The following FANCM variants were observed in gnomAD, a reference collection of about 807,000 sequenced individuals.
The protein encoded by FANCM is FA complementation group M, also known as Fanconi anemia group M protein.
FANCM carries 140 observed loss-of-function variants against 199.5 expected under a neutral mutation model. The observed-to-expected ratio is 0.70, with a 90% confidence interval of 0.61 to 0.81. FANCM has a LOEUF of 0.81. Ranked by LOEUF, FANCM falls within the 30% of genes least tolerant of loss-of-function variation. FANCM has a pLI of 0.00. For missense variants in FANCM, 2,410 were observed against 2,421.4 expected (o/e 1.00, Z 0.10); for synonymous variants, 840 against 836.8 (o/e 1.00, Z -0.07).
intron 4 of FANCM, 84 bp downstream of exon 4, chr14:45,149,079 A>T: frequency 1.8e-6 from 2 of 1,093,454 alleles, no homozygotes; most frequent in Non-Finnish European, 2.7e-6. Flanking sequence ...GGATGTGATA[A>T]TATAGTTATC....
At chr14:45,191,901 C>T (rs983088171) in intron 20 of FANCM, among the ~76,000 whole-genome samples, 2 of 152,078 alleles carry the variant, frequency 1.3e-5, no homozygotes, top group Non-Finnish European at 2.9e-5. Context: ...CTTCTTTATG[C>T]AGCCTAGACT....
chr14:45,193,392 C>G (rs1465363117), intron 20 of FANCM, among the ~76,000 whole-genome samples: 1 of 152,150 alleles, frequency 6.6e-6, no homozygotes, highest in Non-Finnish European at 1.5e-5. Flanking sequence ...GTGCTCCCTC[C>G]CACCAGGCTA....
At position 45,136,368 on chromosome 14, in the gene FANCM, AC is replaced by A; in HGVS notation, c.339del (p.Gly114AspfsTer34). The A allele has an allele frequency of 6.2e-7, 1 of 1,614,156 alleles. No individual in the cohort carries two copies. The highest frequency in any genetic ancestry group is 8.5e-7 in the Non-Finnish European group (1 of 1,180,030). The part of the protein sequence containing the change: ...LFCNTLVCLP[T>X]GLGKTFIAAV... ...TTGCAATACGCTGGTGTGTCTGCCT[AC>A]CGGACTGGGAAAGACCTTTATTGCC... On this transcript the variant is annotated frameshift_variant, in exon 1 of 23. Transcript: ENST00000267430. LOFTEE classifies it high-confidence loss of function.
intron 20 of FANCM, among the ~76,000 whole-genome samples, chr14:45,190,265 T>C (rs1207136844): frequency 6.6e-6 from 1 of 152,194 alleles, no homozygotes; most frequent in Non-Finnish European, 1.5e-5. Context: ...AGGAACTATA[T>C]ATATTGATTC....
intron 22 of FANCM, among the ~76,000 whole-genome samples, chr14:45,199,159 G>A (rs944837603): frequency 1.3e-5 from 2 of 152,120 alleles, no homozygotes; most frequent in Non-Finnish European, 2.9e-5. Context: ...TTTCCTTTGA[G>A]AAGCTTAGAG....
At chr14:45,168,815 T>C (rs964993441) in intron 11 of FANCM, among the ~76,000 whole-genome samples, 1 of 148,168 alleles carries the variant, frequency 6.7e-6, no homozygotes, top group African/African-American at 2.5e-5. Flanking sequence ...GTATATATTA[T>C]ATACTATATA....
At chr14:45,150,501 A>G (rs781679977) in intron 4 of FANCM, among the ~76,000 whole-genome samples, 3 of 152,214 alleles carry the variant, frequency 2.0e-5, no homozygotes, top group Non-Finnish European at 4.4e-5. Flanking sequence ...AAACACTTAC[A>G]TACTGCGGTA....
At position 45,136,330 on chromosome 14, in the gene FANCM, G is replaced by A; in HGVS notation, c.299G>A (p.Arg100Gln). 1 of 1,614,136 alleles carries A rather than the reference G, an allele frequency of 6.2e-7. No homozygotes were observed. The highest frequency in any genetic ancestry group is 1.3e-5 in the African/African-American group (1 of 75,020). The change falls in exon 1 of 23, where the codon CGG (arginine) becomes CAG (glutamine). Residue 100 changes from arginine to glutamine, a missense_variant. Coordinates refer to ENST00000267430, the MANE Select transcript of FANCM (RefSeq NM_020937.4). ...PVRDYQLHIS[R>Q]AALFCNTLVC... ...CGGGACTACCAGCTGCACATTTCCC[G>A]GGCTGCTCTGTTTTGCAATACGCTG...
chr14:45,159,129 C>T lies in FANCM; in HGVS notation c.1430C>T (p.Thr477Ile), dbSNP rs1231811964. The T allele has an allele frequency of 1.9e-6, 3 of 1,611,784 alleles. No homozygotes were observed. Among genetic ancestry groups the T allele is most frequent in the Non-Finnish European group, 2.5e-6 (3 of 1,178,324 alleles). ...ENTTEKKRDE[T>I]RVMIFSSFRD... ...ACTACTGAAAAGAAACGTGATGAGACCCGAGTTATGATCTTCTCTTCATTT... is the reference window on the plus strand; with the variant it reads ...ACTACTGAAAAGAAACGTGATGAGATCCGAGTTATGATCTTCTCTTCATTT... The change falls in exon 9 of 23, where the codon ACC becomes ATC. Residue 477 changes from threonine to isoleucine, a missense_variant. By Grantham distance (89) the Thr-to-Ile change is moderately conservative. Coordinates refer to ENST00000267430, the MANE Select transcript of FANCM (RefSeq NM_020937.4).
chr14:45,140,876 C>CA (rs1346708728), intron 3 of FANCM, among the ~76,000 whole-genome samples, 167 bp downstream of exon 3: 1 of 151,808 alleles, frequency 6.6e-6, no homozygotes. Context: ...CCTATCTCTA[C>CA]AAAAAATTAA....
chr14:45,137,078 A>G lies in FANCM; in HGVS notation c.518A>G (p.Gln173Arg). 1 of 1,612,144 alleles carries G rather than the reference A, an allele frequency of 6.2e-7. No homozygotes were observed. Among genetic ancestry groups the G allele is most frequent in the Non-Finnish European group, 8.5e-7 (1 of 1,178,498 alleles). ...SHMAEMTGST[Q>R]ASTRKEIWCS... ...TCACTTTTATTTTCAGGGTCTACAC[A>G]AGCTTCCACCAGGAAGGAAATATGG... is the stretch of plus-strand genomic sequence containing the variant. The change falls in exon 2 of 23, where the codon CAA (glutamine) becomes CGA (arginine). Residue 173 changes from glutamine to arginine, a missense_variant. Coordinates refer to ENST00000267430, the MANE Select transcript of FANCM (RefSeq NM_020937.4).
At chr14:45,183,656 G>C in intron 16 of FANCM, 118 bp from the exon 17 acceptor site, 1 of 660,112 alleles carries the variant, frequency 1.5e-6, no homozygotes, top group Non-Finnish European at 2.6e-6. Flanking sequence ...ACATTCTTAA[G>C]TATTTATAAC....
At chr14:45,136,807 C>A (rs1410914643) in intron 1 of FANCM, among the ~76,000 whole-genome samples, 1 of 152,196 alleles carries the variant, frequency 6.6e-6, no homozygotes, top group African/African-American at 2.4e-5. Flanking sequence ...AAAAAGATTT[C>A]TCAGTTGAAG....
chr14:45,145,946 C>T (rs950472190), intron 3 of FANCM, among the ~76,000 whole-genome samples: 3 of 149,462 alleles, frequency 2.0e-5, no homozygotes, highest in African/African-American at 7.4e-5. Flanking sequence ...GTAGTCCCAG[C>T]TACTTGGGAG....
chr14:45,173,084 A>T lies in FANCM; in HGVS notation c.2190A>T (p.Gln730His), dbSNP rs117392855. The part of the protein sequence containing the change: ...PAQESTTGIH[Q>H]LSLSEWRLWQ... ...AAGAATCAACCACTGGAATTCATCAACTCTCTCTCTCTGAATGGAGACTGT... is the reference window on the plus strand; with the variant it reads ...AAGAATCAACCACTGGAATTCATCATCTCTCTCTCTCTGAATGGAGACTGT... Residue 730 changes from glutamine to histidine, a missense_variant, in exon 13 of 23, where the codon CAA becomes CAT. By Grantham distance (24) the Gln-to-His change is conservative. Transcript: ENST00000267430. The T allele has an allele frequency of 7.8e-5, 126 of 1,608,142 alleles. No individual in the cohort carries two copies. Among genetic ancestry groups the T allele is most frequent in the Non-Finnish European group, 1.0e-4 (123 of 1,175,024 alleles).
intron 19 of FANCM, among the ~76,000 whole-genome samples, 180 bp from the exon 20 acceptor site, chr14:45,188,622 T>A (rs1889559020): frequency 6.6e-6 from 1 of 152,176 alleles, no homozygotes; most frequent in Non-Finnish European, 1.5e-5. Context: ...TTTTCCTTTA[T>A]CCTCAAACTC....
At chr14:45,193,822 A>T (rs1208092282) in intron 20 of FANCM, among the ~76,000 whole-genome samples, 1 of 151,898 alleles carries the variant, frequency 6.6e-6, no homozygotes, top group Non-Finnish European at 1.5e-5. Flanking sequence ...GAAATTTAGT[A>T]TGAGTTTTCC....
At position 45,169,218 on chromosome 14, in the gene FANCM, A is replaced by G. The variant is rs1013475899; in HGVS notation, c.2003-1371A>G. ...ATTACAGGCATGAGCCACTGTACCC[A>G]GCCACTCTGAGTTTATTTTAAGGGA... On this transcript the variant is annotated intron_variant, in intron 11 of 22. Transcript: ENST00000267430. Among the ~76,000 whole-genome samples, 8 of 152,084 alleles carry G rather than the reference A, an allele frequency of 5.3e-5. No homozygotes were observed. In the South Asian group the frequency reaches 6.2e-4, roughly 12 times the overall value.
At chr14:45,155,347 A>T (rs564131655) in intron 7 of FANCM, 26 bp from the exon 8 acceptor site, 7 of 1,030,486 alleles carry the variant, frequency 6.8e-6, no homozygotes, top group South Asian at 4.0e-5. Flanking sequence ...ACAGAAAAAA[A>T]TTTTGATATT....
Sources: allele counts gnomAD v4.1 joint callset (sites outside exome capture counted in the v4.1 genomes callset), GRCh38; gene constraint gnomAD v4.1.1; transcripts MANE v1.5; gene names NCBI Gene and HGNC (gene_info 2026-07-23, HGNC 2026-07-21).